ATP6V0D2: variants seen among roughly 807,000 people sequenced by gnomAD.
ATP6V0D2 encodes ATPase H+ transporting V0 subunit d2.
ATP6V0D2 carries 40 observed loss-of-function variants against 40.0 expected under a neutral mutation model. The observed-to-expected ratio is 1.00, with a 90% CI of 0.78 to 1.30. The LOEUF is 1.30. Ranked by LOEUF, ATP6V0D2 falls within the 50% of genes most tolerant of loss-of-function variation. The pLI, the probability that ATP6V0D2 is intolerant of heterozygous loss-of-function variation, is 0.00. For missense variants in ATP6V0D2, 470 were observed against 423.1 expected (o/e 1.11, Z -0.97); for synonymous variants, 179 against 156.3 (o/e 1.15, Z -1.08).
intron 5 of ATP6V0D2, among the ~76,000 whole-genome samples, chr8:86,146,929 A>G (rs1379923960): frequency 6.6e-6 from 1 of 152,070 alleles, no homozygotes; most frequent in Non-Finnish European, 1.5e-5. Context: ...ACTTCAAGAG[A>G]CTTAATATGG....
At chr8:86,142,277 C>T (rs1322186797) in intron 4 of ATP6V0D2, among the ~76,000 whole-genome samples, 1 of 152,176 alleles carries the variant, frequency 6.6e-6, no homozygotes. Flanking sequence ...CAGAAGGCAC[C>T]GTTCTAAGCA....
intron 3 of ATP6V0D2, 115 bp downstream of exon 3, chr8:86,139,750 T>C: frequency 8.6e-7 from 1 of 1,169,172 alleles, no homozygotes; most frequent in Admixed American, 2.9e-5. Flanking sequence ...GATTTCACAA[T>C]TTTTTTCCAT....
chr8:86,123,907 C>A (rs1586092724), intron 2 of ATP6V0D2, among the ~76,000 whole-genome samples: 2 of 152,148 alleles, frequency 1.3e-5, no homozygotes, highest in African/African-American at 4.8e-5. Context: ...TTCCCCACAT[C>A]TTTAAATGAG....
chr8:86,149,063 A>AAC (rs1819108314), intron 5 of ATP6V0D2, among the ~76,000 whole-genome samples: 1 of 149,380 alleles, frequency 6.7e-6, no homozygotes, highest in African/African-American at 2.5e-5. Flanking sequence ...AAGAAAAAAA[A>AAC]AAAAAAAAAA....
chr8:86,128,951 C>A (rs1329938542), intron 2 of ATP6V0D2, among the ~76,000 whole-genome samples: 4 of 152,182 alleles, frequency 2.6e-5, no homozygotes, highest in African/African-American at 9.7e-5. Flanking sequence ...TCCAAAACTA[C>A]AGAGATGAAG....
chr8:86,100,771 T>G (rs185707500), intron 1 of ATP6V0D2, among the ~76,000 whole-genome samples: 298 of 152,146 alleles, frequency 2.0e-3, no homozygotes, highest in African/African-American at 6.8e-3. Flanking sequence ...TTTTAATGAA[T>G]TCTATTTAGT....
intron 2 of ATP6V0D2, among the ~76,000 whole-genome samples, chr8:86,118,675 A>G (rs1254673688): frequency 6.6e-6 from 1 of 152,188 alleles, no homozygotes; most frequent in Non-Finnish European, 1.5e-5. Context: ...AATTATGGAA[A>G]CAGTAAAGAT....
At chr8:86,113,656 C>T (rs746297891) in intron 1 of ATP6V0D2, 53 bp from the exon 2 acceptor site, 123 of 1,463,984 alleles carry the variant, frequency 8.4e-5, no homozygotes, top group Non-Finnish European at 1.1e-4. Context: ...GTTGAAAAAG[C>T]TATTTGTGTA....
chr8:86,149,436 T>C (rs577530609), intron 5 of ATP6V0D2, among the ~76,000 whole-genome samples: 1 of 152,298 alleles, frequency 6.6e-6, no homozygotes, highest in East Asian at 1.9e-4. Flanking sequence ...TGAGTATGTG[T>C]TGACCTACCT....
intron 2 of ATP6V0D2, among the ~76,000 whole-genome samples, chr8:86,127,661 C>T (rs1221737485): frequency 1.3e-5 from 2 of 152,010 alleles, no homozygotes; most frequent in Admixed American, 6.6e-5. Flanking sequence ...TGAGCTCAAG[C>T]GATCCGCCTG....
At chr8:86,110,652 T>C (rs1818518867) in intron 1 of ATP6V0D2, among the ~76,000 whole-genome samples, 1 of 152,190 alleles carries the variant, frequency 6.6e-6, no homozygotes, top group Non-Finnish European at 1.5e-5. Context: ...TTACAATCAC[T>C]GGCTACAGAT....
chr8:86,100,677 G>A (rs2130220126), intron 1 of ATP6V0D2, among the ~76,000 whole-genome samples: 1 of 152,240 alleles, frequency 6.6e-6, no homozygotes, highest in South Asian at 2.1e-4. Context: ...TAAGAGTTTG[G>A]TGACTGGAGA....
At chr8:86,122,267 G>T (rs2130249827) in intron 2 of ATP6V0D2, among the ~76,000 whole-genome samples, 1 of 152,296 alleles carries the variant, frequency 6.6e-6, no homozygotes, top group African/African-American at 2.4e-5. Flanking sequence ...GTCATCTTCG[G>T]TACTTAAACA....
chr8:86,109,320 C>A (rs1787926055), intron 1 of ATP6V0D2, among the ~76,000 whole-genome samples: 1 of 152,112 alleles, frequency 6.6e-6, no homozygotes, highest in South Asian at 2.1e-4. Context: ...TCAGTGAACT[C>A]ATTTTGAAAA....
At chr8:86,100,326 C>T (rs1563553538) in intron 1 of ATP6V0D2, among the ~76,000 whole-genome samples, 1 of 151,954 alleles carries the variant, frequency 6.6e-6, no homozygotes, top group Non-Finnish European at 1.5e-5. Context: ...CCATATAGGT[C>T]AATAATAAGG....
intron 6 of ATP6V0D2, 117 bp downstream of exon 6, chr8:86,150,405 T>G: frequency 9.6e-7 from 1 of 1,046,206 alleles, no homozygotes; most frequent in Non-Finnish European, 1.4e-6. Context: ...ATTTGTAAGG[T>G]AGCAATCAGT....
chr8:86,136,274 C>T (rs932512302), intron 2 of ATP6V0D2, among the ~76,000 whole-genome samples: 2 of 152,196 alleles, frequency 1.3e-5, no homozygotes, highest in Admixed American at 1.3e-4. Context: ...CATGCACACA[C>T]TGTAGAGGCA....
chr8:86,116,253 G>A (rs539422252), intron 2 of ATP6V0D2, among the ~76,000 whole-genome samples: 6 of 151,960 alleles, frequency 3.9e-5, no homozygotes, highest in African/African-American at 1.2e-4. Context: ...TTACATGTAC[G>A]TGTGTCTATT....
intron 2 of ATP6V0D2, among the ~76,000 whole-genome samples, chr8:86,136,346 C>T (rs970741176): frequency 6.6e-6 from 1 of 152,170 alleles, no homozygotes; most frequent in Non-Finnish European, 1.5e-5. Flanking sequence ...CGCCCGTCAA[C>T]GTTGCTCTAA....
Sources: gnomAD v4.1 joint callset for allele counts (sites outside exome capture counted in the v4.1 genomes callset) on GRCh38, gnomAD v4.1.1 for gene constraint, MANE v1.5 for transcripts, NCBI Gene and HGNC (gene_info 2026-07-23, HGNC 2026-07-21) for gene names.